DKC1: variants seen among roughly 807,000 people sequenced by gnomAD.
The protein encoded by DKC1 is H/ACA ribonucleoprotein complex subunit DKC1.
A neutral mutation model predicts 46.7 loss-of-function variants in DKC1; 4 were observed. That is an observed-to-expected ratio of 0.09 (90% CI 0.04 to 0.20). DKC1 has a LOEUF of 0.20. DKC1 is among the 10% of genes least tolerant of loss of function. DKC1 has a pLI of 1.00. For missense variants in DKC1, 171 were observed against 404.2 expected (o/e 0.42, Z 4.95); for synonymous variants, 141 against 142.4 (o/e 0.99, Z 0.07).
chrX:154,767,732 C>T (rs782107479), intron 7 of DKC1, among the ~76,000 whole-genome samples: 5 of 110,613 alleles, frequency 4.5e-5, no homozygotes, highest in Non-Finnish European at 9.4e-5. Context: ...TTTCTGTTGT[C>T]AGAAGTAAAT....
rs1459230399 is a variant in DKC1, at chrX:154,776,376, G to A, written c.1476+52G>A. The A allele has an allele frequency of 2.6e-6, 3 of 1,155,078 alleles. No homozygotes were observed. In the East Asian group the frequency reaches 9.8e-5, roughly 38 times the overall value. On this transcript the variant is annotated intron_variant, in intron 14 of 14. Coordinates refer to ENST00000369550, the MANE Select transcript of DKC1 (RefSeq NM_001363.5). ...TGGGCTGGCTTAGTCCCTGCGTGGG[G>A]AAAGAATTACCCAGGTGGTACCAGC... is the stretch of plus-strand genomic sequence containing the variant.
chrX:154,769,105 T>C, intron 8 of DKC1, 62 bp from the exon 9 acceptor site: 1 of 1,144,237 alleles, frequency 8.7e-7, no homozygotes, highest in Admixed American at 2.2e-5. Flanking sequence ...TTAGGAAGTT[T>C]GGGGTCTGAT....
chrX:154,773,435 A>G (rs2071850510), intron 11 of DKC1, among the ~76,000 whole-genome samples, 186 bp downstream of exon 11: 2 of 108,854 alleles, frequency 1.8e-5, no homozygotes, highest in South Asian at 8.1e-4. Context: ...TTTCCTAGGC[A>G]GAGGACCCTG....
At chrX:154,776,576 G>A (rs189292524) in intron 14 of DKC1, among the ~76,000 whole-genome samples, 22 of 112,195 alleles carry the variant, frequency 2.0e-4, no homozygotes, top group African/African-American at 6.5e-4. Flanking sequence ...GAGAGGATGT[G>A]TAGGATGGTG....
chrX:154,768,993 C>CA (rs1158256142), intron 8 of DKC1, among the ~76,000 whole-genome samples, 174 bp from the exon 9 acceptor site: 3,078 of 16,035 alleles, frequency 0.19, 652 homozygotes, highest in African/African-American at 0.41. Flanking sequence ...GACTCCGTCT[C>CA]AAAAAAAAAA....
intron 13 of DKC1, 132 bp from the exon 14 acceptor site, chrX:154,776,055 T>A (rs2071891453): frequency 2.4e-6 from 2 of 829,916 alleles, no homozygotes; most frequent in East Asian, 3.2e-5. Flanking sequence ...CCTGTCCGGG[T>A]TTGTAGTCAG....
At chrX:154,774,810 C>T (rs782422851) in intron 12 of DKC1, 105 bp downstream of exon 12, 23 of 712,928 alleles carry the variant, frequency 3.2e-5, no homozygotes, top group Admixed American at 3.1e-4. Flanking sequence ...GTAGAGCCCA[C>T]TTGCCATCTG....
At chrX:154,766,665 T>TTC in intron 5 of DKC1, 1 of 435,678 alleles carries the variant, frequency 2.3e-6, no homozygotes, top group Non-Finnish European at 4.0e-6. Flanking sequence ...CACTCCAGGC[T>TTC]TCTCACTCTG....
Position 154,765,816 on chromosome X carries a change from C to T in DKC1, c.172-91C>T. ...ACTTAGTCCATCTTGCAGACCTATG[C>T]CAGTTTGTGGGCCACATAGTGGTAC... is the stretch of plus-strand genomic sequence containing the variant. On this transcript the variant is annotated intron_variant, in intron 3 of 14. Coordinates refer to ENST00000369550, the MANE Select transcript of DKC1 (RefSeq NM_001363.5). The T allele has an allele frequency of 1.0e-5, 7 of 701,125 alleles. No homozygotes were observed. The South Asian group carries it at 1.5e-4, about 15-fold the overall frequency. 57.8% of individuals were successfully genotyped at this position (701,125 alleles called of 1,213,427 possible).
chrX:154,768,919 G>A (rs2071786097), intron 8 of DKC1: 6 of 322,128 alleles, frequency 1.9e-5, no homozygotes, highest in Non-Finnish European at 1.6e-5. Flanking sequence ...CCCGGGAAGC[G>A]GAGCTTGCAG....
chrX:154,770,848 T>G lies in DKC1; in HGVS notation c.1005T>G (p.Val335=), dbSNP rs1557264855. The change falls in exon 10 of 15, where the codon GTT becomes GTG. Residue 335 remains valine (V), a synonymous_variant. Coordinates refer to ENST00000369550, the MANE Select transcript of DKC1 (RefSeq NM_001363.5). ...TTGAGGTCAATCAGGAGATTGTGGT[T>G]ATCACCACCAAAGGAGAAGCAATCT... ...DGIEVNQEIV[V]ITTKGEAICM... 1 of 1,211,221 alleles carries G rather than the reference T, an allele frequency of 8.3e-7. No individual in the cohort carries two copies. The highest frequency in any genetic ancestry group is 1.1e-6 in the Non-Finnish European group (1 of 894,750).
At chrX:154,775,321 C>T (rs1557265566) in intron 13 of DKC1, 48 bp downstream of exon 13, 4 of 1,105,534 alleles carry the variant, frequency 3.6e-6, no homozygotes, top group Middle Eastern at 6.7e-4. Flanking sequence ...GGGAGATAAT[C>T]CTAAGAGGCA....
intron 11 of DKC1, among the ~76,000 whole-genome samples, chrX:154,774,052 G>C (rs1450903093): frequency 1.8e-5 from 2 of 112,474 alleles, no homozygotes; most frequent in African/African-American, 6.5e-5. Context: ...TATTGTGCTG[G>C]GCTCTGGGTT....
chrX:154,773,273 C>T (rs781830162), intron 11 of DKC1, 24 bp downstream of exon 11: 1 of 819,966 alleles, frequency 1.2e-6, no homozygotes, highest in Non-Finnish European at 1.8e-6. Flanking sequence ...GGTTGCGTGC[C>T]CTGCCAGGTT....
chrX:154,763,389 C>T (rs1201507581), intron 1 of DKC1, among the ~76,000 whole-genome samples: 3 of 112,254 alleles, frequency 2.7e-5, no homozygotes, highest in Non-Finnish European at 5.6e-5. Context: ...GGAGGGACCC[C>T]GGAGCAGGGA....
At position 154,764,957 on chromosome X, in the gene DKC1, A is replaced by T; in HGVS notation, c.75A>T (p.Glu25Asp). 8.3e-7 allele frequency: 1 copy of T among 1,203,463 alleles called. No individual in the cohort carries two copies. The highest frequency in any genetic ancestry group is 1.8e-5 in the South Asian group (1 of 56,818). The change falls in exon 2 of 15, where the codon GAA (glutamate) becomes GAT (aspartate). Residue 25 changes from glutamate (E) to aspartate (D), a missense_variant. Physicochemically the swap from Glu to Asp is conservative, Grantham distance 45. Transcript: ENST00000369550. ...KKKERKSLPE[E>D]DVAEIQHAEE... ...AGGAGCGGAAGTCATTGCCAGAAGA[A>T]GATGTAGCCGTGAGTAGTAATGTGT...
At position 154,767,843 on chromosome X, in the gene DKC1, C is replaced by CTTTT. The variant is rs35184460; in HGVS notation, c.641-437_641-434dup. On this transcript the variant is annotated intron_variant, in intron 7 of 14. Coordinates refer to ENST00000369550, the MANE Select transcript of DKC1 (RefSeq NM_001363.5). ...TTCTGCTAATATCAGAATTACAGAT[C>CTTTT]TTTTTTTTTTTTTTTTTTTTTTTTT... Among the ~76,000 whole-genome samples, 90 of 65,159 alleles carry CTTTT rather than the reference C, an allele frequency of 1.4e-3. 1 individual carries two copies. The highest frequency in any genetic ancestry group is 0.012 in the Middle Eastern group (1 of 81). 56.6% of individuals were successfully genotyped at this position (65,159 alleles called of 115,157 possible).
chrX:154,763,359 G>A (rs1035259828), intron 1 of DKC1, among the ~76,000 whole-genome samples: 6 of 112,600 alleles, frequency 5.3e-5, no homozygotes, highest in African/African-American at 1.9e-4. Flanking sequence ...TAGTGGAAAC[G>A]GGCCGAGAAG....
intron 8 of DKC1, 62 bp downstream of exon 8, chrX:154,768,494 C>T: frequency 1.7e-6 from 2 of 1,181,503 alleles, no homozygotes; most frequent in Non-Finnish European, 2.3e-6. Flanking sequence ...CCTTTGATGG[C>T]ACTCCACTTG....
Sources: gnomAD v4.1 joint callset for allele counts (sites outside exome capture counted in the v4.1 genomes callset) on GRCh38, gnomAD v4.1.1 for gene constraint, MANE v1.5 for transcripts, NCBI Gene and HGNC (gene_info 2026-07-23, HGNC 2026-07-21) for gene names.